PPP1R15B: variants seen among roughly 807,000 people sequenced by gnomAD.
PPP1R15B encodes protein phosphatase 1 regulatory subunit 15B, also known as protein phosphatase 1, regulatory (inhibitor) subunit 15B.
PPP1R15B carries 31 observed loss-of-function variants against 53.9 expected under a neutral mutation model. That is an observed-to-expected ratio of 0.58 (90% CI 0.43 to 0.78). The LOEUF is 0.78. PPP1R15B is among the 30% of genes least tolerant of loss of function. PPP1R15B has a pLI of 0.00. For missense variants in PPP1R15B, 928 were observed against 849.6 expected, an observed-to-expected ratio of 1.09 and a Z score of -1.15; for synonymous variants, 345 against 329.1, an observed-to-expected ratio of 1.05 and a Z score of -0.52.
In PPP1R15B at chr1:204,404,893, C is replaced by T. The variant is rs1674238305; in HGVS notation, c.*1199G>A. Reference sequence around the variant, plus strand: ...TGCAAAGACTTCAATTCAAAGTAACCTTTGGGCTAAATATATTAAAACTTT... The same window carrying T: ...TGCAAAGACTTCAATTCAAAGTAACTTTTGGGCTAAATATATTAAAACTTT... On this transcript the variant is annotated 3_prime_UTR_variant, in exon 2 of 2. Transcript: ENST00000367188. 1 of 985,754 alleles carries T rather than the reference C, an allele frequency of 1.0e-6. No homozygotes were observed. The highest frequency in any genetic ancestry group is 1.2e-6 in the Non-Finnish European group (1 of 829,904). 61.1% of individuals were successfully genotyped at this position (985,754 alleles called of 1,614,324 possible). A position where few individuals can be genotyped will look rare whatever the true frequency, so the allele number is the denominator to read the frequency against.
At chr1:204,407,850 C>T (rs142832896) in intron 1 of PPP1R15B, among the ~76,000 whole-genome samples, 2,354 of 152,268 alleles carry the variant, frequency 0.015, 30 homozygotes, top group Non-Finnish European at 0.025. Flanking sequence ...ATATTCCATA[C>T]ACCATTCCCC....
chr1:204,404,889 TA>T lies in PPP1R15B; in HGVS notation c.*1202del. The T allele has an allele frequency of 4.1e-6, 4 of 985,782 alleles. No homozygotes were observed. Among genetic ancestry groups the T allele is most frequent in the Non-Finnish European group, 4.8e-6 (4 of 829,866 alleles). 61.1% of individuals were successfully genotyped at this position (985,782 alleles called of 1,614,324 possible). ...TCAATGCAAAGACTTCAATTCAAAGTAACCTTTGGGCTAAATATATTAAAAC... is the reference window on the plus strand; with the variant it reads ...TCAATGCAAAGACTTCAATTCAAAGTACCTTTGGGCTAAATATATTAAAAC... On this transcript the variant is annotated 3_prime_UTR_variant, in exon 2 of 2. Transcript: ENST00000367188.
At chr1:204,396,730 T>C (rs1449787077), downstream of PPP1R15B, among the ~76,000 whole-genome samples, 5 of 152,290 alleles carry the variant, frequency 3.3e-5, no homozygotes, top group East Asian at 9.6e-4. Context: ...ATTGAATTCA[T>C]ACTTAAAATG....
chr1:204,399,832 G>A (rs965497188), downstream of PPP1R15B, among the ~76,000 whole-genome samples: 6 of 152,268 alleles, frequency 3.9e-5, no homozygotes, highest in Admixed American at 3.9e-4. Context: ...ATCCAAAGAG[G>A]AACTAGTCTT....
In PPP1R15B at chr1:204,410,527, ATGG is replaced by A. The variant is rs1278768332; in HGVS notation, c.882_884del (p.His295del). 3.1e-6 allele frequency: 5 copies of A among 1,613,988 alleles called. No individual in the cohort carries two copies. Among genetic ancestry groups the A allele is most frequent in the Non-Finnish European group, 4.2e-6 (5 of 1,180,028 alleles). The stretch of plus-strand genomic sequence containing the variant: ...GGAATTCCAGCCGTTTCATGCGAAG[ATGG>A]TGAATTTCTGGTAGGCCTTCCGTAG... On this transcript the variant is annotated inframe_deletion, in exon 1 of 2. Coordinates refer to ENST00000367188, the MANE Select transcript of PPP1R15B (RefSeq NM_032833.5).
At chr1:204,397,225 AAAAT>A (rs975117574), downstream of PPP1R15B, among the ~76,000 whole-genome samples, 43 of 151,396 alleles carry the variant, frequency 2.8e-4, no homozygotes, top group African/African-American at 9.7e-4. Context: ...AAAATAAAAT[AAAAT>A]AAATAAATAA....
At chr1:204,396,552 CA>C (rs5780236), downstream of PPP1R15B, among the ~76,000 whole-genome samples, 50 of 131,002 alleles carry the variant, frequency 3.8e-4, no homozygotes, top group Admixed American at 8.4e-4. Flanking sequence ...CCCTGTCTGT[CA>C]AAAAAAAAAA....
Position 204,411,686 on chromosome 1 carries a change from A to C in PPP1R15B, c.-275T>G, listed in dbSNP as rs1160747580. Reference sequence around the variant, plus strand: ...TCCCTAGTCGGCTCGACGCTTCAACACCATGGATAGGAGTCCCCCCACGGC... The same window carrying C: ...TCCCTAGTCGGCTCGACGCTTCAACCCCATGGATAGGAGTCCCCCCACGGC... On this transcript the variant is annotated 5_prime_UTR_variant, in exon 1 of 2. Coordinates refer to ENST00000367188, the MANE Select transcript of PPP1R15B (RefSeq NM_032833.5). The C allele has an allele frequency of 9.1e-6, 5 of 549,744 alleles. No individual in the cohort carries two copies. Among genetic ancestry groups the C allele is most frequent in the African/African-American group, 7.6e-5 (4 of 52,708 alleles). 34.1% of individuals were successfully genotyped at this position (549,744 alleles called of 1,614,324 possible).
At position 204,404,820 on chromosome 1, in the gene PPP1R15B, A is replaced by G. The variant is rs779567288; in HGVS notation, c.*1272T>C. On this transcript the variant is annotated 3_prime_UTR_variant, in exon 2 of 2. Transcript: ENST00000367188. ...GGTTAACAACCCCTCAACCTAACTTATGTGTACCTTGTAAAGCTAAACAAA... is the reference window on the plus strand; with the variant it reads ...GGTTAACAACCCCTCAACCTAACTTGTGTGTACCTTGTAAAGCTAAACAAA... 1.0e-5 allele frequency: 10 copies of G among 985,734 alleles called. No individual in the cohort carries two copies. Among genetic ancestry groups the G allele is most frequent in the Non-Finnish European group, 9.6e-6 (8 of 829,922 alleles). The allele number at this position is 985,734 out of a possible 1,614,324, so 61.1% of individuals were successfully genotyped here.
At chr1:204,401,553 C>T (rs1426873017), downstream of PPP1R15B, among the ~76,000 whole-genome samples, 1 of 152,138 alleles carries the variant, frequency 6.6e-6, no homozygotes, top group Non-Finnish European at 1.5e-5. Context: ...TTGTACATCT[C>T]TGTATTAGAT....
At chr1:204,409,247 T>C (rs113827505) in intron 1 of PPP1R15B, among the ~76,000 whole-genome samples, 3 of 151,876 alleles carry the variant, frequency 2.0e-5, no homozygotes, top group African/African-American at 7.3e-5. Flanking sequence ...CAAATAAAAA[T>C]GGCACTTTCC....
At position 204,405,199 on chromosome 1, in the gene PPP1R15B, T is replaced by C. The variant is rs1166246309; in HGVS notation, c.*893A>G. On this transcript the variant is annotated 3_prime_UTR_variant, in exon 2 of 2. Coordinates refer to ENST00000367188, the MANE Select transcript of PPP1R15B (RefSeq NM_032833.5). ...TTGCTCTGAGATGTCTCCTATTTTC[T>C]TTCTAGGAAATTTCTAGGCTTTTAA... is the stretch of plus-strand genomic sequence containing the variant. 6 of 984,578 alleles carry C rather than the reference T, an allele frequency of 6.1e-6. No homozygotes were observed. The highest frequency in any genetic ancestry group is 7.2e-6 in the Non-Finnish European group (6 of 828,864). The allele number at this position is 984,578 out of a possible 1,614,324, so 61.0% of individuals were successfully genotyped here.
At chr1:204,408,297 T>A (rs923289909) in intron 1 of PPP1R15B, among the ~76,000 whole-genome samples, 3 of 152,332 alleles carry the variant, frequency 2.0e-5, no homozygotes, top group East Asian at 1.9e-4. Context: ...ACCTATTCAT[T>A]CTAAATAGGT....
In PPP1R15B at chr1:204,411,426, C is replaced by T. The variant is rs771869153; in HGVS notation, c.-15G>A. ...CCCGGCTCCATCTCCTTTTTCTTGA[C>T]AGTCTCTCAGGTAGGGCCGCGGCGC... On this transcript the variant is annotated 5_prime_UTR_variant, in exon 1 of 2. Transcript: ENST00000367188. 3.3e-5 allele frequency: 53 copies of T among 1,606,440 alleles called. 1 individual carries two copies. In the Middle Eastern group the frequency reaches 1.1e-3, roughly 33 times the overall value.
chr1:204,397,744 T>C (rs964386788), downstream of PPP1R15B, among the ~76,000 whole-genome samples: 99 of 152,286 alleles, frequency 6.5e-4, no homozygotes, highest in African/African-American at 2.3e-3. Flanking sequence ...AAACTGGATA[T>C]GAATGGTATC....
downstream of PPP1R15B, among the ~76,000 whole-genome samples, chr1:204,400,967 T>C (rs1207393272): frequency 6.6e-6 from 1 of 152,236 alleles, no homozygotes; most frequent in Non-Finnish European, 1.5e-5. Flanking sequence ...TCAGGCTCAT[T>C]AGATCTCTAG....
rs1465922162 is a variant in PPP1R15B at position 204,410,844 on chromosome 1, G to A, written c.568C>T (p.Leu190Phe). 6.2e-7 allele frequency: 1 copy of A among 1,614,190 alleles called. No homozygotes were observed. Among genetic ancestry groups the A allele is most frequent in the Admixed American group, 1.7e-5 (1 of 60,028 alleles). The change falls in exon 1 of 2, where the codon CTT becomes TTT. Residue 190 changes from leucine to phenylalanine, a missense_variant. Leu to Phe is a conservative substitution (Grantham distance 22). Coordinates refer to ENST00000367188, the MANE Select transcript of PPP1R15B (RefSeq NM_032833.5). ...LWGVELLPSS[L>F]QSRLYSNREL... ...CGGTTAGAGTACAGACGGGATTGAA[G>A]GCTACTGGGCAACAGCTCCACTCCC...
chr1:204,409,511 G>A lies in PPP1R15B; in HGVS notation c.1901C>T (p.Thr634Ile). 1 of 1,611,574 alleles carries A rather than the reference G, an allele frequency of 6.2e-7. No individual in the cohort carries two copies. Among genetic ancestry groups the A allele is most frequent in the Non-Finnish European group, 8.5e-7 (1 of 1,178,750 alleles). The change falls in exon 1 of 2, where the codon ACA (threonine) becomes ATA (isoleucine). Residue 634 changes from threonine (T) to isoleucine (I), a missense_variant. By Grantham distance (89) the Thr-to-Ile change is moderately conservative. Coordinates refer to ENST00000367188, the MANE Select transcript of PPP1R15B (RefSeq NM_032833.5). ...QRDVLSGGRH[T>I]HVKRKKVTFL... ...ACAAACCTTTTTTCTTTTGACATGT[G>A]TGTGTCTTCCTCCAGAAAGAACGTC...
downstream of PPP1R15B, among the ~76,000 whole-genome samples, chr1:204,397,143 A>G (rs2103437425): frequency 6.6e-6 from 1 of 152,230 alleles, no homozygotes; most frequent in South Asian, 2.1e-4. Context: ...AGCCATGATC[A>G]TGCCACTGCA....
Sources: allele counts gnomAD v4.1 joint callset (sites outside exome capture counted in the v4.1 genomes callset), GRCh38; gene constraint gnomAD v4.1.1; transcripts MANE v1.5; gene names NCBI Gene and HGNC (gene_info 2026-07-23, HGNC 2026-07-21).